Variants in CEP63 observed in about 807,000 individuals in gnomAD.
The protein encoded by CEP63 is centrosomal protein of 63 kDa.
CEP63 carries 84 observed loss-of-function variants against 89.1 expected under a neutral mutation model. The observed-to-expected ratio is 0.94, with a 90% CI of 0.79 to 1.13. CEP63 has a LOEUF of 1.13. CEP63 is among the 50% of genes most tolerant of loss of function. CEP63 has a pLI of 0.00. For missense variants in CEP63, 838 were observed against 813.3 expected, an observed-to-expected ratio of 1.03 and a Z score of -0.37; for synonymous variants, 267 against 272.5, an observed-to-expected ratio of 0.98 and a Z score of 0.20.
the CEP63 span, among the ~76,000 whole-genome samples, chr3:134,597,335 CT>C: frequency 5.9e-5 from 9 of 152,332 alleles, no homozygotes; most frequent in Middle Eastern, 3.4e-3. Context: ...GTAGAGGCCG[CT>C]GTCCCTTCCA....
chr3:134,637,660 C>T, the CEP63 span, among the ~76,000 whole-genome samples: 3 of 152,226 alleles, frequency 2.0e-5, no homozygotes, highest in East Asian at 1.9e-4. Flanking sequence ...TACTTTCACA[C>T]GCACATCTGA....
the CEP63 span, among the ~76,000 whole-genome samples, chr3:134,649,965 C>T: frequency 1.3e-5 from 2 of 152,180 alleles, no homozygotes; most frequent in African/African-American, 4.8e-5. Context: ...AGAACTGGCC[C>T]GCAGTCCGCC....
At chr3:134,591,618 G>A (rs1482957264), downstream of CEP63, among the ~76,000 whole-genome samples, 2 of 152,134 alleles carry the variant, frequency 1.3e-5, no homozygotes, top group Non-Finnish European at 2.9e-5. Flanking sequence ...CACTTTGGGA[G>A]GCCGAGGTGG....
chr3:134,608,507 A>G, the CEP63 span: 2 of 1,564,540 alleles, frequency 1.3e-6, no homozygotes, highest in Non-Finnish European at 1.7e-6. Flanking sequence ...ATCCACATGC[A>G]CACACAAGCT....
chr3:134,673,182 C>T, the CEP63 span, among the ~76,000 whole-genome samples: 113 of 152,240 alleles, frequency 7.4e-4, no homozygotes, highest in African/African-American at 2.5e-3. Flanking sequence ...AAGGAGATAC[C>T]ACCATCCATC....
the CEP63 span, among the ~76,000 whole-genome samples, chr3:134,776,679 T>C: frequency 1.3e-5 from 2 of 152,162 alleles, no homozygotes; most frequent in East Asian, 3.9e-4. Flanking sequence ...GAAGTCATGA[T>C]GAGGCTGAGG....
At chr3:134,489,718 A>G (rs1171479871) in intron 1 of CEP63, among the ~76,000 whole-genome samples, 1 of 152,172 alleles carries the variant, frequency 6.6e-6, no homozygotes, top group Non-Finnish European at 1.5e-5. Flanking sequence ...CTGAAATACA[A>G]TTTGTACAGG....
At chr3:134,503,594 C>G (rs1170867844) in intron 2 of CEP63, among the ~76,000 whole-genome samples, 1 of 152,054 alleles carries the variant, frequency 6.6e-6, no homozygotes, top group Non-Finnish European at 1.5e-5. Flanking sequence ...GTCCAGTGCT[C>G]AAAGTGGGGT....
intron 6 of CEP63, among the ~76,000 whole-genome samples, chr3:134,541,138 T>C (rs536193578): frequency 2.0e-4 from 31 of 152,294 alleles, no homozygotes; most frequent in African/African-American, 6.5e-4. Flanking sequence ...GTATGAAATA[T>C]AAGCCCTTTG....
At chr3:134,570,861 A>G (rs1338513986) in intron 11 of CEP63, among the ~76,000 whole-genome samples, 1 of 152,216 alleles carries the variant, frequency 6.6e-6, no homozygotes, top group Non-Finnish European at 1.5e-5. Context: ...AAGCCTCACA[A>G]TCATGGCAGA....
At chr3:134,714,150 C>T in the CEP63 span, among the ~76,000 whole-genome samples, 1 of 152,166 alleles carries the variant, frequency 6.6e-6, no homozygotes, top group African/African-American at 2.4e-5. Context: ...TACATTAGAC[C>T]AGTGGTTCTC....
At chr3:134,608,473 G>C in the CEP63 span, 1 of 1,533,048 alleles carries the variant, frequency 6.5e-7, no homozygotes, top group East Asian at 2.5e-5. Flanking sequence ...CTGATGGCCT[G>C]GGCTGCCTCA....
the CEP63 span, among the ~76,000 whole-genome samples, chr3:134,773,679 C>T: frequency 4.8e-3 from 733 of 152,126 alleles, 8 homozygotes; most frequent in African/African-American, 0.016. Flanking sequence ...AGACTTCAGC[C>T]CCACAGCCCA....
At chr3:134,568,643 A>G (rs1239392140), downstream of CEP63, among the ~76,000 whole-genome samples, 1 of 152,230 alleles carries the variant, frequency 6.6e-6, no homozygotes, top group Non-Finnish European at 1.5e-5. Flanking sequence ...TACCTCCTGC[A>G]TGAGCTATGG....
At chr3:134,737,333 CA>C in the CEP63 span, among the ~76,000 whole-genome samples, 1 of 152,082 alleles carries the variant, frequency 6.6e-6, no homozygotes, top group East Asian at 1.9e-4. Flanking sequence ...TTGTGATTGT[CA>C]AAAGATCCTA....
the CEP63 span, among the ~76,000 whole-genome samples, chr3:134,676,877 G>A: frequency 6.6e-6 from 1 of 152,146 alleles, no homozygotes; most frequent in African/African-American, 2.4e-5. Context: ...TCTGGGCAAC[G>A]CTGTTTCCTT....
the CEP63 span, among the ~76,000 whole-genome samples, chr3:134,760,101 C>T: frequency 2.7e-5 from 4 of 149,950 alleles, no homozygotes; most frequent in Non-Finnish European, 5.9e-5. Context: ...CTCTGTCGCC[C>T]AGGCTGGAGT....
chr3:134,635,283 G>T, the CEP63 span, among the ~76,000 whole-genome samples: 3 of 152,154 alleles, frequency 2.0e-5, no homozygotes, highest in South Asian at 6.2e-4. Context: ...GATCACTTGA[G>T]GTCAGGAGTT....
the CEP63 span, chr3:134,650,927 T>C: frequency 6.2e-7 from 1 of 1,613,282 alleles, no homozygotes; most frequent in Non-Finnish European, 8.5e-7. Flanking sequence ...AGCATGTCGA[T>C]AGATACAGCG....
Sources: allele counts gnomAD v4.1 joint callset (sites outside exome capture counted in the v4.1 genomes callset), GRCh38; gene constraint gnomAD v4.1.1; transcripts MANE v1.5; gene names NCBI Gene and HGNC (gene_info 2026-07-23, HGNC 2026-07-21).